The following C4orf33 variants were observed in gnomAD, a reference collection of about 807,000 sequenced individuals.
The protein encoded by C4orf33 is UPF0462 protein C4orf33.
C4orf33 carries 20 observed loss-of-function variants against 24.3 expected under a neutral mutation model. The ratio of observed to expected loss-of-function variants is 0.82; its 90% CI spans 0.58 to 1.19. C4orf33 has a LOEUF of 1.19. C4orf33 is among the 50% of genes most tolerant of loss of function. C4orf33 has a pLI of 0.00. For missense variants in C4orf33, 207 were observed against 225.9 expected (o/e 0.92, Z 0.54); for synonymous variants, 67 against 76.4 (o/e 0.88, Z 0.64).
intron 3 of C4orf33, among the ~76,000 whole-genome samples, chr4:129,109,083 G>A (rs1207164663): frequency 1.3e-5 from 2 of 152,130 alleles, no homozygotes; most frequent in African/African-American, 4.8e-5. Context: ...TAGAGACGGA[G>A]TTTCACCATG....
chr4:129,099,444 A>G (rs541974171), intron 1 of C4orf33, among the ~76,000 whole-genome samples: 4 of 152,228 alleles, frequency 2.6e-5, no homozygotes, highest in Non-Finnish European at 5.9e-5. Flanking sequence ...AAATGAGATG[A>G]TGATACCACG....
intron 1 of C4orf33, 81 bp downstream of exon 1, chr4:129,096,290 G>T (rs1201861433): frequency 6.6e-6 from 1 of 152,034 alleles, no homozygotes; most frequent in African/African-American, 2.4e-5. Context: ...TTGATCTCTG[G>T]AAAATACTGA....
upstream of C4orf33, among the ~76,000 whole-genome samples, chr4:129,095,754 G>A (rs150183840): frequency 2.0e-3 from 301 of 152,310 alleles, no homozygotes; most frequent in African/African-American, 6.8e-3. Context: ...AACCCAGGCA[G>A]TATGGTTCTA....
In C4orf33 at chr4:129,113,070, T is replaced by C. The variant is rs1240495278; in HGVS notation, c.*1279T>C. The C allele has an allele frequency of 6.6e-6, 1 of 152,120 alleles. No individual in the cohort carries two copies. The highest frequency in any genetic ancestry group is 1.5e-5 in the Non-Finnish European group (1 of 67,984). The allele number at this position is 152,120 out of a possible 1,614,324, so 9.4% of individuals were successfully genotyped here. On this transcript the variant is annotated 3_prime_UTR_variant, in exon 6 of 6. Transcript: ENST00000425929. ...CAAGATATATTTTAGAGCATCTTGA[T>C]TTTAGAAGCGAATCGAACACTGTGA...
chr4:129,109,650 C>A lies in C4orf33; in HGVS notation c.472C>A (p.Gln158Lys), dbSNP rs1236606634. 1 of 1,613,422 alleles carries A rather than the reference C, an allele frequency of 6.2e-7. No individual in the cohort carries two copies. ...ALYPVPQHEL[Q>K]QGQKPDFHCL... Reference sequence around the variant, plus strand: ...TTACCCTGTACCTCAGCATGAACTGCAGCAAGGACAAAAACCTGATTTGTA... The same window carrying A: ...TTACCCTGTACCTCAGCATGAACTGAAGCAAGGACAAAAACCTGATTTGTA... Residue 158 changes from glutamine to lysine, a missense_variant, in exon 5 of 6, where the codon CAG (glutamine) becomes AAG (lysine). Transcript: ENST00000425929.
At chr4:129,099,352 T>C (rs1753287742) in intron 1 of C4orf33, among the ~76,000 whole-genome samples, 1 of 152,192 alleles carries the variant, frequency 6.6e-6, no homozygotes, top group Non-Finnish European at 1.5e-5. Context: ...GCTTAATAAA[T>C]GCTTGATAAA....
At chr4:129,109,912 T>C (rs1484190341) in intron 5 of C4orf33, 2 of 1,140,490 alleles carry the variant, frequency 1.8e-6, no homozygotes. Flanking sequence ...AGAAAAGTGT[T>C]GTTTGCATGT....
chr4:129,103,666 G>A (rs1427580384), intron 2 of C4orf33, among the ~76,000 whole-genome samples: 1 of 152,126 alleles, frequency 6.6e-6, no homozygotes, highest in Non-Finnish European at 1.5e-5. Flanking sequence ...CCATTTCCCA[G>A]ATGATAAATC....
chr4:129,116,580 C>G lies in C4orf33; in HGVS notation c.*4789C>G, dbSNP rs1474368306. On this transcript the variant is annotated 3_prime_UTR_variant, in exon 6 of 6. Transcript: ENST00000425929. ...GAGATAGCTTTGCTGAAATAGAAAA[C>G]CAAACTGTAAATTGAAGTCTGAGCA... 6.6e-6 allele frequency: 1 copy of G among 151,986 alleles called. No individual in the cohort carries two copies. The highest frequency in any genetic ancestry group is 1.5e-5 in the Non-Finnish European group (1 of 67,982). 9.4% of individuals were successfully genotyped at this position (151,986 alleles called of 1,614,324 possible).
intron 3 of C4orf33, among the ~76,000 whole-genome samples, chr4:129,107,348 C>G (rs933020034): frequency 2.6e-5 from 4 of 151,836 alleles, no homozygotes; most frequent in African/African-American, 9.7e-5. Context: ...CACCTATTAT[C>G]TAAATTATAG....
At chr4:129,095,248 G>T (rs911500155), upstream of C4orf33, among the ~76,000 whole-genome samples, 2 of 152,110 alleles carry the variant, frequency 1.3e-5, no homozygotes, top group Admixed American at 6.5e-5. Flanking sequence ...CCCCTCTCAT[G>T]TTCCTCCTTT....
chr4:129,110,157 C>T (rs1255086235), intron 5 of C4orf33: 1 of 246,848 alleles, frequency 4.1e-6, no homozygotes, highest in Non-Finnish European at 6.5e-6. Flanking sequence ...TAAAAATGAC[C>T]CTTAAGTGGC....
chr4:129,097,447 A>G (rs904196432), intron 1 of C4orf33, among the ~76,000 whole-genome samples: 16 of 152,196 alleles, frequency 1.1e-4, no homozygotes, highest in Non-Finnish European at 2.2e-4. Context: ...TTTTTATTAA[A>G]TAAATGCACC....
chr4:129,109,720 C>T (rs758915998), intron 5 of C4orf33, 48 bp downstream of exon 5: 143 of 1,497,290 alleles, frequency 9.6e-5, no homozygotes, highest in East Asian at 9.1e-4. Flanking sequence ...CGAGTTTTTT[C>T]GAAATTAATT....
chr4:129,104,938 G>A (rs1478992230), intron 2 of C4orf33, among the ~76,000 whole-genome samples: 1 of 149,976 alleles, frequency 6.7e-6, no homozygotes, highest in Admixed American at 6.8e-5. Context: ...GTAGAAAGCA[G>A]AAGATATATA....
chr4:129,100,597 T>C (rs756655600), intron 1 of C4orf33: 3 of 152,200 alleles, frequency 2.0e-5, no homozygotes, highest in Non-Finnish European at 4.4e-5. Context: ...ATTGCCTGAA[T>C]GTGCTGGGAA....
rs781127601 is a variant in C4orf33 at position 129,102,632 on chromosome 4, A to G, written c.22A>G (p.Thr8Ala). Residue 8 changes from threonine to alanine, a missense_variant, in exon 2 of 6, where the codon ACT becomes GCT. Thr to Ala is a moderately conservative substitution (Grantham distance 58). Transcript: ENST00000425929. ...TCAGATGGATTTTAAAATTGAACAC[A>G]CTTGGGATGGTTTTCCAGTGAAGCA... MDFKIEH[T>A]WDGFPVKHEP... 1.2e-6 allele frequency: 2 copies of G among 1,612,898 alleles called. No individual in the cohort carries two copies. Among genetic ancestry groups the G allele is most frequent in the Non-Finnish European group, 1.7e-6 (2 of 1,179,482 alleles).
chr4:129,106,561 ATATGT>A, intron 2 of C4orf33, 21 bp from the exon 3 acceptor site: 1 of 1,186,968 alleles, frequency 8.4e-7, no homozygotes, highest in Non-Finnish European at 1.2e-6. Context: ...AAATATCTCA[ATATGT>A]TATATCTCTG....
At position 129,112,680 on chromosome 4, in the gene C4orf33, T is replaced by TC. The variant is rs1304904111; in HGVS notation, c.*890dup. ...AGCTGTAAATTAAATGGAATTAACT[T>TC]CAAGTTTACATTGAGTTTATATGTT... On this transcript the variant is annotated 3_prime_UTR_variant, in exon 6 of 6. Transcript: ENST00000425929. 2 of 152,222 alleles carry TC rather than the reference T, an allele frequency of 1.3e-5. No individual in the cohort carries two copies. The highest frequency in any genetic ancestry group is 6.5e-5 in the Admixed American group (1 of 15,286). The allele number at this position is 152,222 out of a possible 1,614,324, so 9.4% of individuals were successfully genotyped here.
Sources: allele counts gnomAD v4.1 joint callset (sites outside exome capture counted in the v4.1 genomes callset), GRCh38; gene constraint gnomAD v4.1.1; transcripts MANE v1.5; gene names NCBI Gene and HGNC (gene_info 2026-07-23, HGNC 2026-07-21).